CYP4F11: variants seen among roughly 807,000 people sequenced by gnomAD.
CYP4F11 encodes the protein cytochrome P450 family 4 subfamily F member 11, also known as cytochrome P450 4F11.
A neutral mutation model predicts 62.2 loss-of-function variants in CYP4F11; 79 were observed. The ratio of observed to expected loss-of-function variants is 1.27; its 90% CI spans 1.06 to 1.53. The LOEUF is 1.53. Among genes scored for constraint, CYP4F11 ranks in the 40% most tolerant of loss-of-function variants. The pLI, the probability that CYP4F11 is intolerant of heterozygous loss-of-function variation, is 0.00. For missense variants in CYP4F11, 777 were observed against 680.5 expected (o/e 1.14, Z -1.58); for synonymous variants, 290 against 263.7 (o/e 1.10, Z -0.97).
rs533999023 is a variant in CYP4F11 at position 15,931,044 on chromosome 19, G to A, written c.199-1443C>T. On this transcript the variant is annotated intron_variant, in intron 1 of 11. Transcript: ENST00000402119. ...CCAAATGGGAGAGCAGGTCTAAGTC[G>A]GAGGCCAAGGTCTGCGGAGTCAAGG... 7.2e-5 allele frequency among the ~76,000 whole-genome samples: 11 copies of A among 152,294 alleles called. No homozygotes were observed. The East Asian group carries it at 1.7e-3, about 24-fold the overall frequency.
intron 5 of CYP4F11, 137 bp from the exon 6 acceptor site, chr19:15,924,219 T>A: frequency 1.8e-6 from 2 of 1,111,140 alleles, no homozygotes; most frequent in East Asian, 2.4e-5. Context: ...CTCTCTTCTC[T>A]GAGGCATTCC....
At chr19:15,922,899 A>T (rs903870591) in intron 6 of CYP4F11, among the ~76,000 whole-genome samples, 1 of 151,810 alleles carries the variant, frequency 6.6e-6, no homozygotes, top group African/African-American at 2.4e-5. Context: ...ACTAAAAAAA[A>T]AATTAGCCTG....
At position 15,932,203 on chromosome 19, in the gene CYP4F11, A is replaced by G. The variant is rs200157141; in HGVS notation, c.198+2008T>C. Among the ~76,000 whole-genome samples the G allele has an allele frequency of 2.5e-3, 29 of 11,596 alleles. 1 individual carries two copies. The highest frequency in any genetic ancestry group is 4.3e-3 in the South Asian group (1 of 230). The allele number at this position is 11,596 out of a possible 152,430, so 7.6% of individuals were successfully genotyped here. A position where few individuals can be genotyped will look rare whatever the true frequency, so the allele number is the denominator to read the frequency against. On this transcript the variant is annotated intron_variant, in intron 1 of 11. Coordinates refer to ENST00000402119, the MANE Select transcript of CYP4F11 (RefSeq NM_021187.4). ...GAGTGAGGAGAGGAATGAGTGAGCG[A>G]GGAGAGGAATGAGTGAGCGAGGAGA...
intron 1 of CYP4F11, among the ~76,000 whole-genome samples, chr19:15,931,572 A>ATGAGTGAGTGAGGAGAGGAG (rs1189553045): frequency 1.7e-5 from 2 of 116,514 alleles, no homozygotes; most frequent in Admixed American, 1.7e-4. Flanking sequence ...GAGGAGAGGA[A>ATGAGTGAGTGAGGAGAGGAG]TGAGTGAGCG....
Position 15,914,746 on chromosome 19 carries a change from C to A in CYP4F11, c.1249+16G>T, listed in dbSNP as rs1219053590. ...CTTGCTACCCAGGAGGCTCCTCCCCCTGAGGCTGTGAGCACCTTTGGGGAT... is the reference window on the plus strand; with the variant it reads ...CTTGCTACCCAGGAGGCTCCTCCCCATGAGGCTGTGAGCACCTTTGGGGAT... On this transcript the variant is annotated intron_variant, in intron 9 of 11. Transcript: ENST00000402119. The A allele has an allele frequency of 1.2e-6, 2 of 1,613,958 alleles. No individual in the cohort carries two copies. Among genetic ancestry groups the A allele is most frequent in the East Asian group, 2.2e-5 (1 of 44,900 alleles).
intron 2 of CYP4F11, among the ~76,000 whole-genome samples, chr19:15,929,145 G>A (rs2089691278): frequency 6.6e-6 from 1 of 152,176 alleles, no homozygotes; most frequent in Non-Finnish European, 1.5e-5. Flanking sequence ...CTGACTCCAC[G>A]AAGTTTGAGA....
chr19:15,922,130 A>G lies in CYP4F11; in HGVS notation c.1022T>C (p.Leu341Pro). Residue 341 changes from leucine (L) to proline (P), a missense_variant, in exon 8 of 12, where the codon CTA (leucine) becomes CCA (proline). Coordinates refer to ENST00000402119, the MANE Select transcript of CYP4F11 (RefSeq NM_021187.4). ...TTCTGGGTGCTTTGCAAGGTGGTATAGGACCCAGGAGAGACCACTGGCTGT... is the reference window on the plus strand; with the variant it reads ...TTCTGGGTGCTTTGCAAGGTGGTATGGGACCCAGGAGAGACCACTGGCTGT... ...DTTASGLSWV[L>P]YHLAKHPEYQ... 1 of 1,613,624 alleles carries G rather than the reference A, an allele frequency of 6.2e-7. No homozygotes were observed. Among genetic ancestry groups the G allele is most frequent in the Non-Finnish European group, 8.5e-7 (1 of 1,179,846 alleles).
Position 15,922,090 on chromosome 19 carries a change from G to A in CYP4F11, c.1062C>T (p.Cys354=), listed in dbSNP as rs752806413. 5.0e-6 allele frequency: 8 copies of A among 1,614,028 alleles called. No homozygotes were observed. In the Admixed American group the frequency reaches 1.2e-4, roughly 24 times the overall value. The change falls in exon 8 of 12, where the codon TGC becomes TGT. Residue 354 remains cysteine, a synonymous_variant. Coordinates refer to ENST00000402119, the MANE Select transcript of CYP4F11 (RefSeq NM_021187.4). The stretch of plus-strand genomic sequence containing the variant: ...TCAGAAGCTCTTGCACTTCTTGCCG[G>A]CACTGTTCCTGGTATTCTGGGTGCT... The part of the protein sequence containing the change: ...LAKHPEYQEQ[C]RQEVQELLKD...
chr19:15,922,595 C>G (rs1394778917), intron 6 of CYP4F11, among the ~76,000 whole-genome samples, 165 bp from the exon 7 acceptor site: 1 of 152,152 alleles, frequency 6.6e-6, no homozygotes, highest in East Asian at 1.9e-4. Context: ...GCCCACCACC[C>G]ACAGGCTTCC....
Position 15,922,352 on chromosome 19 carries a change from TG to T in CYP4F11, c.985+11del, listed in dbSNP as rs1312273866. On this transcript the variant is annotated intron_variant, in intron 7 of 11. Transcript: ENST00000402119. ...CCCTGTCCCCACCGTAGTCCCACAC[TG>T]AGACCCTCACCCTCAAACATGAAGG... 8.1e-6 allele frequency: 13 copies of T among 1,607,868 alleles called. No homozygotes were observed. Among genetic ancestry groups the T allele is most frequent in the Non-Finnish European group, 1.1e-5 (13 of 1,174,242 alleles).
chr19:15,930,377 G>A (rs1166630548), intron 1 of CYP4F11, among the ~76,000 whole-genome samples: 1 of 152,098 alleles, frequency 6.6e-6, no homozygotes, highest in Non-Finnish European at 1.5e-5. Flanking sequence ...GATCACCTGA[G>A]GTCAGGTGTT....
At chr19:15,929,431 C>G in intron 2 of CYP4F11, 26 bp downstream of exon 2, 1 of 1,613,848 alleles carries the variant, frequency 6.2e-7, no homozygotes, top group Non-Finnish European at 8.5e-7. Flanking sequence ...TCCCAGCCCC[C>G]ACTACCACAA....
At chr19:15,920,964 T>G (rs1190044075) in intron 8 of CYP4F11, among the ~76,000 whole-genome samples, 1 of 151,678 alleles carries the variant, frequency 6.6e-6, no homozygotes, top group South Asian at 2.1e-4. Flanking sequence ...TCCCTCCCCC[T>G]GCACACAAGC....
chr19:15,913,372 T>TC lies in CYP4F11; in HGVS notation c.*359dup. 6.6e-6 allele frequency: 2 copies of TC among 304,950 alleles called. No individual in the cohort carries two copies. The highest frequency in any genetic ancestry group is 1.3e-5 in the Non-Finnish European group (2 of 158,752). The allele number at this position is 304,950 out of a possible 1,614,324, so 18.9% of individuals were successfully genotyped here. On this transcript the variant is annotated 3_prime_UTR_variant, in exon 12 of 12. Transcript: ENST00000402119. Reference sequence around the variant, plus strand: ...GACATTCCCAGGACAGATGAAGGGATCTGCCCCTATGGTTGTTTCTCGCTG... The same window carrying TC: ...GACATTCCCAGGACAGATGAAGGGATCCTGCCCCTATGGTTGTTTCTCGCTG...
At chr19:15,928,550 A>G (rs2089686930) in intron 2 of CYP4F11, among the ~76,000 whole-genome samples, 1 of 152,212 alleles carries the variant, frequency 6.6e-6, no homozygotes, top group Non-Finnish European at 1.5e-5. Flanking sequence ...GACTTACAGC[A>G]CATTGATTCT....
chr19:15,919,304 A>T, intron 8 of CYP4F11, among the ~76,000 whole-genome samples: 1 of 149,706 alleles, frequency 6.7e-6, no homozygotes, highest in Middle Eastern at 3.5e-3. Context: ...ATATAAATAA[A>T]ATACATAGTA....
chr19:15,922,466 T>A, intron 6 of CYP4F11, 36 bp from the exon 7 acceptor site: 2 of 1,601,830 alleles, frequency 1.2e-6, no homozygotes, highest in Non-Finnish European at 1.7e-6. Flanking sequence ...CTGCCCCAAA[T>A]CACACCAGCT....
intron 2 of CYP4F11, 144 bp from the exon 3 acceptor site, chr19:15,927,627 G>A: frequency 8.9e-7 from 1 of 1,119,526 alleles, no homozygotes; most frequent in Non-Finnish European, 1.3e-6. Flanking sequence ...AGAGGAAGAA[G>A]GGAGGATGGT....
chr19:15,928,110 C>T (rs4808413), intron 2 of CYP4F11: 82,266 of 152,120 alleles, frequency 0.54, 22,842 homozygotes, highest in Non-Finnish European at 0.6. Flanking sequence ...AATAATATCT[C>T]AGACAGTTCT....
Sources: gnomAD v4.1 joint callset for allele counts (sites outside exome capture counted in the v4.1 genomes callset) on GRCh38, gnomAD v4.1.1 for gene constraint, MANE v1.5 for transcripts, NCBI Gene and HGNC (gene_info 2026-07-23, HGNC 2026-07-21) for gene names.